GCNA: variants seen among roughly 807,000 people sequenced by gnomAD.
GCNA encodes the protein germ cell nuclear acidic peptidase.
Under a neutral mutation model 38.8 loss-of-function variants are expected in GCNA, and 3 were observed. That is an observed-to-expected ratio of 0.08 (90% CI 0.04 to 0.20). The LOEUF is 0.20. GCNA is among the 10% of genes least tolerant of loss of function. GCNA has a pLI of 1.00. For missense variants in GCNA, 446 were observed against 578.6 expected (o/e 0.77, Z 2.35); for synonymous variants, 195 against 240.2 (o/e 0.81, Z 1.74).
At chrX:71,605,244 C>T (rs1602182781) in intron 8 of GCNA, among the ~76,000 whole-genome samples, 1 of 111,993 alleles carries the variant, frequency 8.9e-6, no homozygotes, top group African/African-American at 3.2e-5. Context: ...ATACATAAGC[C>T]TTTAGCTAGA....
intron 2 of GCNA, among the ~76,000 whole-genome samples, chrX:71,582,039 G>A (rs768038665): frequency 6.4e-5 from 7 of 109,708 alleles, no homozygotes; most frequent in Non-Finnish European, 1.3e-4. Context: ...GGCACACTTT[G>A]GGAGGCAGAG....
intron 8 of GCNA, 97 bp downstream of exon 8, chrX:71,604,773 C>G: frequency 9.1e-7 from 1 of 1,104,318 alleles, no homozygotes; most frequent in Non-Finnish European, 1.2e-6. Context: ...CCTTTCAACC[C>G]TGTGCCATTT....
rs772908115 is a variant in GCNA, at chrX:71,604,468, G to A, written c.1191G>A (p.Leu397=). The A allele has an allele frequency of 8.3e-7, 1 of 1,205,616 alleles. No individual in the cohort carries two copies. Among genetic ancestry groups the A allele is most frequent in the African/African-American group, 1.7e-5 (1 of 57,711 alleles). ...ACCCTGAAGTTTCAGAGAGAAAGCTGCCAACTGAGGAAGAGCCTGCACCTG... is the reference window on the plus strand; with the variant it reads ...ACCCTGAAGTTTCAGAGAGAAAGCTACCAACTGAGGAAGAGCCTGCACCTG... ...EANPEVSERK[L]PTEEEPAPVV... is the part of the protein sequence containing the mutation. Residue 397 remains leucine (L), a synonymous_variant, in exon 8 of 13, where the codon CTG becomes CTA. Coordinates refer to ENST00000373696, the MANE Select transcript of GCNA (RefSeq NM_052957.5).
At chrX:71,605,060 G>A (rs991150491) in intron 8 of GCNA, among the ~76,000 whole-genome samples, 1 of 112,165 alleles carries the variant, frequency 8.9e-6, no homozygotes, top group African/African-American at 3.2e-5. Flanking sequence ...TAGTCACATT[G>A]TTAGAATACA....
chrX:71,604,581 T>C lies in GCNA; in HGVS notation c.1304T>C (p.Val435Ala). 2 of 1,195,765 alleles carry C rather than the reference T, an allele frequency of 1.7e-6. No individual in the cohort carries two copies. The highest frequency in any genetic ancestry group is 2.3e-6 in the Non-Finnish European group (2 of 887,269). The change falls in exon 8 of 13, where the codon GTG (valine) becomes GCG (alanine). Residue 435 changes from valine to alanine, a missense_variant. Physicochemically the swap from Val to Ala is moderately conservative, Grantham distance 64. Coordinates refer to ENST00000373696, the MANE Select transcript of GCNA (RefSeq NM_052957.5). ...AGGCAGACAAAGACCAAAAATATAG[T>C]GGAGCCACCAAGGAAAAGGCAGACA... ...RKRQTKTKNI[V>A]EPPRKRQTKT...
At chrX:71,612,695 T>G in intron 12 of GCNA, 136 bp downstream of exon 12, 1 of 917,269 alleles carries the variant, frequency 1.1e-6, no homozygotes, top group Non-Finnish European at 1.5e-6. Flanking sequence ...CTCTTTCTCC[T>G]TTCTCTTCCG....
intron 2 of GCNA, among the ~76,000 whole-genome samples, chrX:71,586,097 T>C (rs2040583698): frequency 9.3e-6 from 1 of 107,875 alleles, no homozygotes; most frequent in Admixed American, 1.0e-4. Context: ...GGAGGGCAGA[T>C]AGCATCTTGT....
rs149193424 is a variant in GCNA, at chrX:71,603,817, C to T, written c.540C>T (p.Asp180=). The change falls in exon 8 of 13, where the codon GAC becomes GAT. Residue 180 remains aspartate, a synonymous_variant. Transcript: ENST00000373696. The part of the protein sequence containing the change: ...DDNSDDSEAP[D]DNSDDSDVPD... ...ACAGTGATGATTCGGAAGCTCCCGA[C>T]GACAATAGTGATGATTCGGATGTTC... 2.6e-4 allele frequency: 312 copies of T among 1,205,513 alleles called. 2 individuals are homozygous for T. In the South Asian group the frequency reaches 3.1e-3, roughly 12 times the overall value.
At chrX:71,586,145 T>G (rs2147711356) in intron 2 of GCNA, among the ~76,000 whole-genome samples, 1 of 109,005 alleles carries the variant, frequency 9.2e-6, no homozygotes, top group Non-Finnish European at 1.9e-5. Context: ...AAATGTTTTT[T>G]TTTTTTTTTT....
chrX:71,612,911 A>C lies in GCNA; in HGVS notation c.2005A>C (p.Lys669Gln). The change falls in exon 13 of 13, where the codon AAA becomes CAA. Residue 669 changes from lysine (K) to glutamine (Q), a missense_variant. By Grantham distance (53) the Lys-to-Gln change is moderately conservative. This residue lies in a region of GCNA where 34 missense variants were observed against 33.2 expected (regional missense o/e 1.02). Coordinates refer to ENST00000373696, the MANE Select transcript of GCNA (RefSeq NM_052957.5). ...GGACACCAGCCGCTTCATCTGTGCCAAATGCAAGGGGTCTCTGGTCATGGT... is the reference window on the plus strand; with the variant it reads ...GGACACCAGCCGCTTCATCTGTGCCCAATGCAAGGGGTCTCTGGTCATGGT... ...SLDTSRFICA[K>Q]CKGSLVMVPL... 8.3e-7 allele frequency: 1 copy of C among 1,211,804 alleles called. No homozygotes were observed. Among genetic ancestry groups the C allele is most frequent in the Non-Finnish European group, 1.1e-6 (1 of 895,548 alleles).
At chrX:71,587,892 T>C in intron 2 of GCNA, among the ~76,000 whole-genome samples, 1 of 111,318 alleles carries the variant, frequency 9.0e-6, no homozygotes, top group Non-Finnish European at 1.9e-5. Context: ...TGGGTTCAAG[T>C]GATTCTTGTT....
chrX:71,603,724 C>T lies in GCNA; in HGVS notation c.447C>T (p.Pro149=), dbSNP rs745407158. Residue 149 remains proline, a synonymous_variant, in exon 8 of 13, where the codon CCC becomes CCT. Transcript: ENST00000373696. Reference sequence around the variant, plus strand: ...ACAACAGTGATGATTCAGAAGCTCCCGACGACAACAGTGATGATTCGGAAG... The same window carrying T: ...ACAACAGTGATGATTCAGAAGCTCCTGACGACAACAGTGATGATTCGGAAG... ...PDDNSDDSEA[P]DDNSDDSEAP... 17 of 1,209,389 alleles carry T rather than the reference C, an allele frequency of 1.4e-5. No homozygotes were observed. The highest frequency in any genetic ancestry group is 3.0e-5 in the East Asian group (1 of 33,718).
rs879065472 is a variant in GCNA, at chrX:71,603,797, G to T, written c.520G>T (p.Asp174Tyr). 2 of 1,210,277 alleles carry T rather than the reference G, an allele frequency of 1.7e-6. No homozygotes were observed. The highest frequency in any genetic ancestry group is 2.2e-6 in the Non-Finnish European group (2 of 895,131). Residue 174 changes from aspartate to tyrosine, a missense_variant, in exon 8 of 13, where the codon GAT (aspartate) becomes TAT (tyrosine). Asp to Tyr is a radical substitution (Grantham distance 160). Transcript: ENST00000373696. ...DDSEAPDDNS[D>Y]DSEAPDDNSD... ...TTCGGAAGCTCCCGACGACAACAGT[G>T]ATGATTCGGAAGCTCCCGACGACAA...
At chrX:71,591,080 A>G (rs2040624538) in intron 2 of GCNA, among the ~76,000 whole-genome samples, 1 of 111,270 alleles carries the variant, frequency 9.0e-6, no homozygotes, top group Admixed American at 9.6e-5. Flanking sequence ...ACGTGTCACA[A>G]TAACTAATAA....
chrX:71,588,883 T>G (rs2040603324), intron 2 of GCNA, among the ~76,000 whole-genome samples: 1 of 71,861 alleles, frequency 1.4e-5, no homozygotes, highest in Non-Finnish European at 2.3e-5. Flanking sequence ...TTTTATAACT[T>G]TTTTTTAAGT....
chrX:71,610,717 A>G lies in GCNA; in HGVS notation c.1648A>G (p.Met550Val). ...EKLRIGWNNK[M>V]VKTAGLCSTG... Reference sequence around the variant, plus strand: ...ACTACGCATAGGCTGGAATAACAAGATGGTGAAAACTGCTGGCTTATGCAG... The same window carrying G: ...ACTACGCATAGGCTGGAATAACAAGGTGGTGAAAACTGCTGGCTTATGCAG... The change falls in exon 11 of 13, where the codon ATG becomes GTG. Residue 550 changes from methionine to valine, a missense_variant. This residue lies in a region of GCNA where 60 missense variants were observed against 111.0 expected (regional missense o/e 0.54). Coordinates refer to ENST00000373696, the MANE Select transcript of GCNA (RefSeq NM_052957.5). 8.2e-7 allele frequency: 1 copy of G among 1,212,379 alleles called. No individual in the cohort carries two copies. The highest frequency in any genetic ancestry group is 1.1e-6 in the Non-Finnish European group (1 of 895,553).
intron 7 of GCNA, among the ~76,000 whole-genome samples, chrX:71,599,130 A>G (rs1310575430): frequency 9.1e-6 from 1 of 109,937 alleles, no homozygotes; most frequent in African/African-American, 3.3e-5. Flanking sequence ...GTGCTAGGAT[A>G]CAGGTGTGAG....
chrX:71,610,454 A>G (rs1332569041), intron 10 of GCNA, among the ~76,000 whole-genome samples: 1 of 111,518 alleles, frequency 9.0e-6, no homozygotes, highest in African/African-American at 3.3e-5. Flanking sequence ...TCTCTACTAA[A>G]TACGAAAAAT....
intron 10 of GCNA, 82 bp from the exon 11 acceptor site, chrX:71,610,599 G>T: frequency 3.6e-6 from 4 of 1,117,889 alleles, no homozygotes; most frequent in Non-Finnish European, 4.7e-6. Context: ...GGCAACAAGA[G>T]CTAAAACTCC....
Sources: gnomAD v4.1 joint callset for allele counts (sites outside exome capture counted in the v4.1 genomes callset) on GRCh38, gnomAD v4.1.1 for gene constraint, gnomAD v4.1.1 regional missense constraint, MANE v1.5 for transcripts, NCBI Gene and HGNC (gene_info 2026-07-23, HGNC 2026-07-21) for gene names.